CDK5RAP2: variants seen among roughly 807,000 people sequenced by gnomAD.
The protein encoded by CDK5RAP2 is CDK5 regulatory subunit associated protein 2, also known as CDK5 regulatory subunit-associated protein 2.
CDK5RAP2 carries 147 observed loss-of-function variants against 232.9 expected under a neutral mutation model. The observed-to-expected ratio is 0.63, with a 90% CI of 0.55 to 0.72. The LOEUF (loss-of-function observed/expected upper bound fraction) is 0.72. CDK5RAP2 is among the 30% of genes least tolerant of loss of function. The pLI, the probability that CDK5RAP2 is intolerant of heterozygous loss-of-function variation, is 0.00. For synonymous variants in CDK5RAP2, 833 were observed against 833.7 expected (o/e 1.00, Z 0.01); for missense variants, 2,195 against 2,231.5 (o/e 0.98, Z 0.33).
intron 3 of CDK5RAP2, among the ~76,000 whole-genome samples, chr9:120,555,717 G>C (rs1433199601): frequency 6.6e-6 from 1 of 152,182 alleles, no homozygotes; most frequent in Admixed American, 6.5e-5. Context: ...TTATCCTAGA[G>C]ACATGAAAAC....
At chr9:120,515,080 C>G (rs541422939) in intron 12 of CDK5RAP2, among the ~76,000 whole-genome samples, 35 of 151,684 alleles carry the variant, frequency 2.3e-4, no homozygotes, top group Admixed American at 2.2e-3. Context: ...GAGAGAGAGA[C>G]AGAGTGTGTG....
rs377159121 is a variant in CDK5RAP2, at chr9:120,465,472, A to T, written c.2106+2388T>A. Among the ~76,000 whole-genome samples the T allele has an allele frequency of 3.5e-4, 54 of 152,300 alleles. 1 individual carries two copies. In the South Asian group the frequency reaches 0.011, roughly 30 times the overall value. On this transcript the variant is annotated intron_variant, in intron 18 of 37. Transcript: ENST00000349780. ...TCTACGTGAACTACCAACAGGCAGG[A>T]ACTGAGCACCGTGGTACCCAGCTGG...
At chr9:120,419,654 G>T in intron 27 of CDK5RAP2, 134 bp downstream of exon 27, 1 of 764,728 alleles carries the variant, frequency 1.3e-6, no homozygotes, top group East Asian at 2.5e-5. Context: ...TGAATGACCA[G>T]CATTGGCCCT....
At chr9:120,547,257 T>C (rs1037828315) in intron 4 of CDK5RAP2, among the ~76,000 whole-genome samples, 4 of 151,972 alleles carry the variant, frequency 2.6e-5, no homozygotes, top group African/African-American at 4.8e-5. Flanking sequence ...CTCAAAGTGC[T>C]GGGATTACAG....
intron 18 of CDK5RAP2, among the ~76,000 whole-genome samples, chr9:120,461,432 A>C (rs554961024): frequency 1.3e-5 from 2 of 152,368 alleles, no homozygotes; most frequent in South Asian, 4.1e-4. Context: ...CAAAAATTCT[A>C]GTCATGGGGC....
At chr9:120,538,608 C>A (rs1000301276) in intron 6 of CDK5RAP2, among the ~76,000 whole-genome samples, 1 of 152,166 alleles carries the variant, frequency 6.6e-6, no homozygotes, top group Non-Finnish European at 1.5e-5. Flanking sequence ...GAGTCTGGTT[C>A]CAGGCTTGAC....
chr9:120,487,418 A>T lies in CDK5RAP2; in HGVS notation c.1502T>A (p.Leu501Ter). ...VLLQKFNEKD[L>*]EVIQQNCYLM... ...ATAGCAGTTCTGCTGTATTACTTCCAAATCTTTTTCATTGAATTTCTAATG... is the reference window on the plus strand; with the variant it reads ...ATAGCAGTTCTGCTGTATTACTTCCTAATCTTTTTCATTGAATTTCTAATG... The change falls in exon 14 of 38, where the codon TTG becomes TAG. Residue 501 changes from leucine to a stop codon, truncating the protein, a stop_gained. Transcript: ENST00000349780. LOFTEE classifies it high-confidence loss of function. 1 of 1,608,258 alleles carries T rather than the reference A, an allele frequency of 6.2e-7. No homozygotes were observed. Among genetic ancestry groups the T allele is most frequent in the East Asian group, 2.2e-5 (1 of 44,842 alleles).
At chr9:120,401,564 A>G (rs150484897) in intron 34 of CDK5RAP2, among the ~76,000 whole-genome samples, 134 of 144,030 alleles carry the variant, frequency 9.3e-4, no homozygotes, top group South Asian at 3.9e-3. Flanking sequence ...GTGTGCCATA[A>G]TCATGCCATG....
intron 22 of CDK5RAP2, among the ~76,000 whole-genome samples, chr9:120,446,293 G>T (rs1456771925): frequency 1.3e-5 from 2 of 151,768 alleles, no homozygotes; most frequent in Non-Finnish European, 2.9e-5. Context: ...TCGCTCTTGT[G>T]TCTGCTCACT....
chr9:120,470,407 C>G (rs773994943), intron 16 of CDK5RAP2, among the ~76,000 whole-genome samples, 187 bp from the exon 17 acceptor site: 1 of 152,144 alleles, frequency 6.6e-6, no homozygotes, highest in Non-Finnish European at 1.5e-5. Flanking sequence ...TTAATTTTCC[C>G]TTTCTCAACA....
chr9:120,518,210 TGAGA>T (rs146336954), intron 12 of CDK5RAP2, among the ~76,000 whole-genome samples: 722 of 43,766 alleles, frequency 0.016, 10 homozygotes, highest in Admixed American at 0.09. Flanking sequence ...TGTGTGTGTG[TGAGA>T]GAGAGAGAGA....
chr9:120,434,590 G>T (rs570066180), intron 25 of CDK5RAP2, among the ~76,000 whole-genome samples: 1 of 152,170 alleles, frequency 6.6e-6, no homozygotes, highest in African/African-American at 2.4e-5. Flanking sequence ...AGAGAAGAGA[G>T]GCGAGCTGAA....
At position 120,551,711 on chromosome 9, in the gene CDK5RAP2, C is replaced by A. The variant is rs377080489; in HGVS notation, c.196-809G>T. On this transcript the variant is annotated intron_variant, in intron 3 of 37. Transcript: ENST00000349780. ...TCTAAATAAAAGGAGGTTGAAGAGGCATGACTACTAAGTACAATAGAATCT... is the reference window on the plus strand; with the variant it reads ...TCTAAATAAAAGGAGGTTGAAGAGGAATGACTACTAAGTACAATAGAATCT... Among the ~76,000 whole-genome samples the A allele has an allele frequency of 5.9e-5, 9 of 152,252 alleles. No individual in the cohort carries two copies. In the East Asian group the frequency reaches 1.7e-3, roughly 29 times the overall value.
In CDK5RAP2 at chr9:120,460,605, G is replaced by A; in HGVS notation, c.2169C>T (p.Phe723=). The change falls in exon 19 of 38, where the codon TTC becomes TTT. Residue 723 remains phenylalanine, a synonymous_variant. Transcript: ENST00000349780. The stretch of plus-strand genomic sequence containing the variant: ...TCTGCTGCAAATGCTGGTCACTCAG[G>A]AAATTAATCTCGTCATCCTCCCCAA... ...IKIGEDDEIN[F]LSDQHLQQSN... 6.2e-7 allele frequency: 1 copy of A among 1,614,128 alleles called. No homozygotes were observed. The highest frequency in any genetic ancestry group is 8.5e-7 in the Non-Finnish European group (1 of 1,180,014).
intron 12 of CDK5RAP2, among the ~76,000 whole-genome samples, chr9:120,507,534 T>G (rs2039869891): frequency 6.6e-6 from 1 of 152,124 alleles, no homozygotes; most frequent in African/African-American, 2.4e-5. Context: ...CAGTACCCTC[T>G]AACTACATGT....
In CDK5RAP2 at chr9:120,448,051, TGGC is replaced by T. The variant is rs760339389; in HGVS notation, c.2866_2868del (p.Ala956del). ...TGCAGCTGCGTCACCACCTCCTGGG[TGGC>T]AGGGAGACGATACATATTTCCTAAT... On this transcript the variant is annotated inframe_deletion, in exon 22 of 38. Transcript: ENST00000349780. 1.2e-6 allele frequency: 2 copies of T among 1,614,180 alleles called. No homozygotes were observed. Among genetic ancestry groups the T allele is most frequent in the Non-Finnish European group, 8.5e-7 (1 of 1,180,012 alleles).
At chr9:120,423,214 T>C (rs1224157741) in intron 25 of CDK5RAP2, among the ~76,000 whole-genome samples, 1 of 152,232 alleles carries the variant, frequency 6.6e-6, no homozygotes, top group Non-Finnish European at 1.5e-5. Flanking sequence ...TTTCTCTTAC[T>C]AAATTTGCTT....
chr9:120,486,851 G>C (rs974307900), intron 14 of CDK5RAP2, among the ~76,000 whole-genome samples: 3 of 152,174 alleles, frequency 2.0e-5, no homozygotes, highest in African/African-American at 7.2e-5. Flanking sequence ...CAAAGGCACA[G>C]AGAGGTACAA....
intron 12 of CDK5RAP2, 45 bp downstream of exon 12, chr9:120,518,382 C>T: frequency 6.5e-7 from 1 of 1,533,070 alleles, no homozygotes; most frequent in Non-Finnish European, 9.0e-7. Flanking sequence ...CCACATAGCC[C>T]CAAAAGCACT....
Sources: allele counts gnomAD v4.1 joint callset (sites outside exome capture counted in the v4.1 genomes callset), GRCh38; gene constraint gnomAD v4.1.1; transcripts MANE v1.5; gene names NCBI Gene and HGNC (gene_info 2026-07-23, HGNC 2026-07-21).